Variants in NRG1 observed in about 807,000 individuals in gnomAD.
NRG1 encodes neuregulin 1.
In NRG1, 18 loss-of-function variants were observed where a neutral mutation model predicts 63.8. The ratio of observed to expected loss-of-function variants is 0.28; its 90% CI spans 0.19 to 0.42. The LOEUF is 0.42. Among genes scored for constraint, NRG1 ranks in the 10% least tolerant of loss-of-function variants. The pLI is 1.00. For missense variants in NRG1, 762 were observed against 814.7 expected (o/e 0.94, Z 0.79); for synonymous variants, 302 against 301.3 (o/e 1.00, Z -0.02).
At chr8:32,695,201 G>C (rs2976520) in intron 5 of NRG1, among the ~76,000 whole-genome samples, 126,558 of 151,996 alleles carry the variant, frequency 0.83, 53,189 homozygotes, top group Middle Eastern at 0.9. Context: ...ATTAGTTGGG[G>C]ATGGTGGCGC....
chr8:31,917,508 A>G (rs1357865799), intron 1 of NRG1, among the ~76,000 whole-genome samples: 1 of 151,180 alleles, frequency 6.6e-6, no homozygotes, highest in African/African-American at 2.4e-5. Flanking sequence ...CAAAGATCAG[A>G]TAGTTGTAGA....
At chr8:32,047,198 A>G (rs1047974227) in intron 1 of NRG1, among the ~76,000 whole-genome samples, 42 of 151,996 alleles carry the variant, frequency 2.8e-4, no homozygotes, top group African/African-American at 9.9e-4. Flanking sequence ...TAACTGACAG[A>G]TGTGATTGGT....
At chr8:31,918,273 T>A (rs1833587976) in intron 1 of NRG1, among the ~76,000 whole-genome samples, 1 of 152,260 alleles carries the variant, frequency 6.6e-6, no homozygotes, top group Non-Finnish European at 1.5e-5. Flanking sequence ...CATCCCTGTC[T>A]TGTGCAAGTT....
chr8:31,742,942 C>A, intron 1 of NRG1, among the ~76,000 whole-genome samples: 1 of 151,788 alleles, frequency 6.6e-6, no homozygotes, highest in East Asian at 1.9e-4. Context: ...GCTGTGTGTG[C>A]AAAAGAAAAA....
intron 1 of NRG1, among the ~76,000 whole-genome samples, chr8:32,028,066 A>C (rs1817733713): frequency 6.6e-6 from 1 of 152,156 alleles, no homozygotes; most frequent in Non-Finnish European, 1.5e-5. Context: ...AATCAACTAG[A>C]GTTTATAGTT....
intron 1 of NRG1, among the ~76,000 whole-genome samples, chr8:32,144,813 C>A (rs1297991667): frequency 2.6e-5 from 4 of 152,142 alleles, no homozygotes; most frequent in Non-Finnish European, 4.4e-5. Flanking sequence ...TCTTAGACCT[C>A]CACTGGATCC....
intron 1 of NRG1, among the ~76,000 whole-genome samples, chr8:31,819,059 C>T (rs562327618): frequency 8.6e-4 from 130 of 152,034 alleles, no homozygotes; most frequent in Non-Finnish European, 1.6e-3. Flanking sequence ...TTCTCAAAAA[C>T]AAAACAAAAC....
At chr8:32,584,462 G>T (rs1231014641) in intron 1 of NRG1, among the ~76,000 whole-genome samples, 1 of 152,146 alleles carries the variant, frequency 6.6e-6, no homozygotes, top group Non-Finnish European at 1.5e-5. Context: ...GGGATGCAGC[G>T]TTGCTTACTT....
At chr8:31,848,433 A>G (rs1443621808) in intron 1 of NRG1, among the ~76,000 whole-genome samples, 2 of 152,154 alleles carry the variant, frequency 1.3e-5, no homozygotes, top group African/African-American at 4.8e-5. Context: ...CCAGGCTCCC[A>G]TTGGTGTGAA....
intron 1 of NRG1, among the ~76,000 whole-genome samples, chr8:31,795,372 G>T (rs1821101782): frequency 6.6e-6 from 1 of 152,150 alleles, no homozygotes; most frequent in Non-Finnish European, 1.5e-5. Flanking sequence ...GAGTCATTCT[G>T]TTCTTATTGG....
chr8:32,762,729 G>T (rs16879950), intron 11 of NRG1, among the ~76,000 whole-genome samples: 7,331 of 152,262 alleles, frequency 0.048, 612 homozygotes, highest in African/African-American at 0.17. Context: ...GAGTCATTTA[G>T]TGTTGTGCGT....
At chr8:32,088,182 G>C (rs1024750706) in intron 1 of NRG1, among the ~76,000 whole-genome samples, 6 of 152,192 alleles carry the variant, frequency 3.9e-5, no homozygotes, top group African/African-American at 1.4e-4. Context: ...TAATGTGACT[G>C]TGTGTGTATC....
In NRG1 at chr8:32,473,780, C is replaced by G. The variant is rs964816101; in HGVS notation, c.38-122048C>G. Among the ~76,000 whole-genome samples, 3 of 152,146 alleles carry G rather than the reference C, an allele frequency of 2.0e-5. No individual in the cohort carries two copies. The East Asian group carries it at 5.8e-4, about 29-fold the overall frequency. On this transcript the variant is annotated intron_variant, in intron 1 of 10. Coordinates refer to the NRG1 transcript ENST00000519301. The stretch of plus-strand genomic sequence containing the variant: ...CTCACTGCAGCCTCAAACTCCTGGG[C>G]TCCATTGATCTTCCTGCTTCAACCT...
intron 1 of NRG1, among the ~76,000 whole-genome samples, chr8:31,886,858 G>C (rs1830759715): frequency 6.6e-6 from 1 of 152,000 alleles, no homozygotes; most frequent in Non-Finnish European, 1.5e-5. Context: ...ATTCCTATCT[G>C]GAAGAGGACT....
chr8:32,511,737 C>T (rs1343427066), intron 1 of NRG1, among the ~76,000 whole-genome samples: 1 of 152,040 alleles, frequency 6.6e-6, no homozygotes, highest in Non-Finnish European at 1.5e-5. Context: ...ACAATAAGAA[C>T]TCTTTATTAA....
At chr8:32,629,703 A>AT (rs1849930548) in intron 5 of NRG1, among the ~76,000 whole-genome samples, 1 of 152,080 alleles carries the variant, frequency 6.6e-6, no homozygotes, top group African/African-American at 2.4e-5. Context: ...CATCTGGAAG[A>AT]TTTTTTTCAT....
chr8:32,358,763 C>A (rs1806813209), intron 1 of NRG1, among the ~76,000 whole-genome samples: 1 of 152,018 alleles, frequency 6.6e-6, no homozygotes, highest in Non-Finnish European at 1.5e-5. Flanking sequence ...TCTTAGGAGA[C>A]AATAAGATTA....
intron 1 of NRG1, among the ~76,000 whole-genome samples, chr8:31,880,391 T>A (rs1289952994): frequency 6.6e-6 from 1 of 152,142 alleles, no homozygotes; most frequent in Admixed American, 6.5e-5. Flanking sequence ...CATACGACCA[T>A]GAATTAACAT....
chr8:31,987,920 A>G (rs430232), intron 1 of NRG1, among the ~76,000 whole-genome samples: 1 of 152,080 alleles, frequency 6.6e-6, no homozygotes, highest in Non-Finnish European at 1.5e-5. Context: ...CAAGAGATAA[A>G]GTAATTAATA....
Sources: gnomAD v4.1 joint callset for allele counts (sites outside exome capture counted in the v4.1 genomes callset) on GRCh38, gnomAD v4.1.1 for gene constraint, MANE v1.5 for transcripts, NCBI Gene and HGNC (gene_info 2026-07-23, HGNC 2026-07-21) for gene names.